The following PCYT1B variants were observed in gnomAD, a reference collection of about 807,000 sequenced individuals.
PCYT1B encodes choline-phosphate cytidylyltransferase B.
A neutral mutation model predicts 26.4 loss-of-function variants in PCYT1B; 10 were observed. The ratio of observed to expected loss-of-function variants is 0.38; its 90% CI spans 0.23 to 0.64. The LOEUF is 0.64. PCYT1B is among the 30% of genes least tolerant of loss of function. PCYT1B has a pLI of 0.56. For synonymous variants in PCYT1B, 131 were observed against 108.4 expected, an observed-to-expected ratio of 1.21 and a Z score of -1.29; for missense variants, 161 against 292.7, an observed-to-expected ratio of 0.55 and a Z score of 3.28.
At chrX:24,628,425 T>A (rs1196440033) in intron 1 of PCYT1B, among the ~76,000 whole-genome samples, 1 of 111,694 alleles carries the variant, frequency 9.0e-6, no homozygotes, top group Non-Finnish European at 1.9e-5. Flanking sequence ...ATACAGACTT[T>A]AAACTCAATA....
At chrX:24,618,516 A>G (rs908861974) in intron 2 of PCYT1B, among the ~76,000 whole-genome samples, 3 of 111,410 alleles carry the variant, frequency 2.7e-5, no homozygotes. Context: ...CTGGTTTATC[A>G]CTGCTAGTGT....
At chrX:24,582,675 CA>C (rs1322960255) in intron 5 of PCYT1B, among the ~76,000 whole-genome samples, 2 of 111,966 alleles carry the variant, frequency 1.8e-5, no homozygotes, top group African/African-American at 6.5e-5. Context: ...TCTTTTCATC[CA>C]GCTTTGCTAG....
At chrX:24,576,397 G>A (rs1016081932) in intron 6 of PCYT1B, among the ~76,000 whole-genome samples, 6 of 111,371 alleles carry the variant, frequency 5.4e-5, no homozygotes, top group Non-Finnish European at 9.4e-5. Context: ...TCTGCCTCCC[G>A]GGTTCAAGCG....
chrX:24,655,332 C>T (rs1926882691), intron 1 of PCYT1B, among the ~76,000 whole-genome samples: 1 of 112,378 alleles, frequency 8.9e-6, no homozygotes, highest in South Asian at 3.6e-4. Flanking sequence ...CTAACTCATG[C>T]AGATCTCATC....
At chrX:24,630,356 C>T (rs1479798659) in intron 1 of PCYT1B, among the ~76,000 whole-genome samples, 7 of 111,420 alleles carry the variant, frequency 6.3e-5, no homozygotes, top group East Asian at 5.6e-4. Context: ...AGTGCAGTGG[C>T]GCGATCTCAG....
chrX:24,631,515 T>C (rs1239680576), intron 1 of PCYT1B, among the ~76,000 whole-genome samples: 13 of 111,336 alleles, frequency 1.2e-4, no homozygotes. Flanking sequence ...CATTATAACG[T>C]GGATGAGAAA....
At chrX:24,605,168 C>T (rs1053221407) in intron 3 of PCYT1B, among the ~76,000 whole-genome samples, 1 of 111,845 alleles carries the variant, frequency 8.9e-6, no homozygotes, top group African/African-American at 3.3e-5. Flanking sequence ...TGGCTCCAAA[C>T]TTCTGCCCAT....
chrX:24,648,202 G>C (rs1301505870), upstream of PCYT1B, among the ~76,000 whole-genome samples: 1 of 111,202 alleles, frequency 9.0e-6, no homozygotes, highest in Non-Finnish European at 1.9e-5. Context: ...CATTTTAAGA[G>C]GAGCATTCTG....
intron 3 of PCYT1B, among the ~76,000 whole-genome samples, chrX:24,607,004 C>T (rs748443106): frequency 1.8e-5 from 2 of 112,208 alleles, no homozygotes; most frequent in Admixed American, 1.9e-4. Context: ...AGTTTATATG[C>T]CACAAAAACT....
chrX:24,559,715 C>T lies in PCYT1B; in HGVS notation c.*2578G>A, dbSNP rs926068391. ...TATTTCTCATTCCAGCCTTAACTCA[C>T]TCTTGGCCATTACAGTTGACCTGCT... On this transcript the variant is annotated 3_prime_UTR_variant, in exon 8 of 8. Coordinates refer to ENST00000379144, the MANE Select transcript of PCYT1B (RefSeq NM_004845.5). The T allele has an allele frequency of 8.9e-6, 1 of 112,102 alleles. No individual in the cohort carries two copies. The highest frequency in any genetic ancestry group is 1.9e-5 in the Non-Finnish European group (1 of 53,268). The allele number at this position is 112,102 out of a possible 1,213,427, so 9.2% of individuals were successfully genotyped here.
At chrX:24,573,472 G>A (rs1827498931) in intron 7 of PCYT1B, among the ~76,000 whole-genome samples, 1 of 111,178 alleles carries the variant, frequency 9.0e-6, no homozygotes, top group Non-Finnish European at 1.9e-5. Context: ...ACTCCAAGTG[G>A]AGAAAACATC....
intron 7 of PCYT1B, among the ~76,000 whole-genome samples, chrX:24,568,821 G>A (rs964469477): frequency 4.5e-5 from 5 of 111,603 alleles, no homozygotes; most frequent in African/African-American, 6.5e-5. Context: ...GGGGCCGGGC[G>A]CAGTGGCTCA....
intron 1 of PCYT1B, among the ~76,000 whole-genome samples, chrX:24,633,099 AC>A (rs1926152166): frequency 1.9e-5 from 2 of 106,359 alleles, no homozygotes; most frequent in South Asian, 8.7e-4. Flanking sequence ...AATCCCAGCT[AC>A]TCAGGAGGCT....
chrX:24,581,322 C>A (rs974883611), intron 5 of PCYT1B, among the ~76,000 whole-genome samples: 2 of 111,593 alleles, frequency 1.8e-5, no homozygotes, highest in African/African-American at 6.5e-5. Flanking sequence ...AAACCAAGGC[C>A]CCCCTGCTAT....
At chrX:24,664,497 A>C (rs974424151) in intron 1 of PCYT1B, among the ~76,000 whole-genome samples, 2 of 112,011 alleles carry the variant, frequency 1.8e-5, no homozygotes, top group African/African-American at 6.5e-5. Flanking sequence ...CTTCTTAATT[A>C]ATAGATTGTG....
chrX:24,602,242 TGAA>T lies in PCYT1B; in HGVS notation c.334+5500_334+5502del, dbSNP rs75593332. Among the ~76,000 whole-genome samples the T allele has an allele frequency of 3.0e-3, 335 of 112,281 alleles. 1 individual carries two copies. The highest frequency in any genetic ancestry group is 5.2e-3 in the Non-Finnish European group (275 of 53,324). ...TATTATGAAGTAAAAGAAGCCAATC[TGAA>T]AAAGCTACATGCTGTATAATTCTAA... On this transcript the variant is annotated intron_variant, in intron 3 of 7. Transcript: ENST00000379144.
intron 3 of PCYT1B, among the ~76,000 whole-genome samples, chrX:24,602,465 T>C (rs996635048): frequency 9.0e-6 from 1 of 111,543 alleles, no homozygotes; most frequent in Non-Finnish European, 1.9e-5. Context: ...TGTAAAATTT[T>C]ATCCAAACCC....
chrX:24,588,910 T>C (rs1924462297), intron 4 of PCYT1B, among the ~76,000 whole-genome samples: 1 of 111,327 alleles, frequency 9.0e-6, no homozygotes. Flanking sequence ...TTATTATTAT[T>C]ATTATTAATT....
In PCYT1B at chrX:24,560,684, C is replaced by G. The variant is rs1004373328; in HGVS notation, c.*1609G>C. The G allele has an allele frequency of 9.0e-6, 1 of 111,377 alleles. No homozygotes were observed. The highest frequency in any genetic ancestry group is 1.9e-5 in the Non-Finnish European group (1 of 53,007). The allele number at this position is 111,377 out of a possible 1,213,427, so 9.2% of individuals were successfully genotyped here. On this transcript the variant is annotated 3_prime_UTR_variant, in exon 8 of 8. Transcript: ENST00000379144. The stretch of plus-strand genomic sequence containing the variant: ...AGGGGAAAGACATGCCGCCTTCCTT[C>G]ACTGGTTGTCCCCTTGTCACCTAGA...
Sources: allele counts gnomAD v4.1 joint callset (sites outside exome capture counted in the v4.1 genomes callset), GRCh38; gene constraint gnomAD v4.1.1; transcripts MANE v1.5; gene names NCBI Gene and HGNC (gene_info 2026-07-23, HGNC 2026-07-21).